NXN: variants seen among roughly 807,000 people sequenced by gnomAD.
NXN encodes the protein nucleoredoxin.
In NXN, 16 loss-of-function variants were observed where a neutral mutation model predicts 48.6. That is an observed-to-expected ratio of 0.33 (90% CI 0.22 to 0.50). NXN has a LOEUF of 0.50. Among genes scored for constraint, NXN ranks in the 20% least tolerant of loss-of-function variants. The pLI, the probability that NXN is intolerant of heterozygous loss-of-function variation, is 0.98. For missense variants in NXN, 492 were observed against 605.5 expected (o/e 0.81, Z 1.97); for synonymous variants, 281 against 269.6 (o/e 1.04, Z -0.41).
At chr17:940,327 C>A (rs1254895534) in intron 1 of NXN, among the ~76,000 whole-genome samples, 1 of 151,884 alleles carries the variant, frequency 6.6e-6, no homozygotes, top group Non-Finnish European at 1.5e-5. Flanking sequence ...CTCCTGGGCT[C>A]AAGCTATCTT....
intron 7 of NXN, among the ~76,000 whole-genome samples, chr17:801,460 T>A (rs1911204980): frequency 6.8e-6 from 1 of 148,054 alleles, no homozygotes; most frequent in African/African-American, 2.5e-5. Flanking sequence ...TTTTTTTTTT[T>A]TTTGAGATGG....
intron 1 of NXN, among the ~76,000 whole-genome samples, chr17:852,797 C>T (rs761066421): frequency 2.6e-5 from 4 of 152,088 alleles, no homozygotes; most frequent in South Asian, 2.1e-4. Context: ...CAGCACAAAT[C>T]GCAAATTGGG....
chr17:906,169 G>A (rs559934109), intron 1 of NXN, among the ~76,000 whole-genome samples: 6 of 152,142 alleles, frequency 3.9e-5, no homozygotes, highest in African/African-American at 1.2e-4. Flanking sequence ...AGTGCATCTC[G>A]ATGTAGACTT....
chr17:936,731 A>G lies in NXN; in HGVS notation c.360+42588T>C, dbSNP rs567241900. The stretch of plus-strand genomic sequence containing the variant: ...ACCAGTTTTCAGAATCCATGGATTT[A>G]TAACGGATTTCTTTTCTAACTTGCA... On this transcript the variant is annotated intron_variant, in intron 1 of 7. Transcript: ENST00000336868. Among the ~76,000 whole-genome samples, 3 of 149,914 alleles carry G rather than the reference A, an allele frequency of 2.0e-5. No individual in the cohort carries two copies. The South Asian group carries it at 6.5e-4, about 33-fold the overall frequency.
At chr17:926,821 C>G (rs79813529) in intron 1 of NXN, among the ~76,000 whole-genome samples, 15,769 of 151,922 alleles carry the variant, frequency 0.1, 930 homozygotes, top group Middle Eastern at 0.17. Flanking sequence ...GGATTCCAGG[C>G]GTGAGCCAAC....
intron 1 of NXN, 24 bp downstream of exon 1, chr17:979,295 G>GTAACGGGCGTGGGGGGCGGGCAGGGA: frequency 6.9e-7 from 1 of 1,458,886 alleles, no homozygotes; most frequent in Non-Finnish European, 9.1e-7. Context: ...GCGGGCAGGG[G>GTAACGGGCGTGGGGGGCGGGCAGGGA]CCGGCGAGGC....
rs1282299042 is a variant in NXN at position 805,260 on chromosome 17, G to C, written c.821-13C>G. The C allele has an allele frequency of 6.3e-7, 1 of 1,599,696 alleles. No homozygotes were observed. Among genetic ancestry groups the C allele is most frequent in the Non-Finnish European group, 8.5e-7 (1 of 1,171,974 alleles). On this transcript the variant is annotated splice_polypyrimidine_tract_variant and intron_variant, in intron 5 of 7. Coordinates refer to ENST00000336868, the MANE Select transcript of NXN (RefSeq NM_022463.5). Reference sequence around the variant, plus strand: ...AGCGTGGGGATGCCTGCAGGGAAGAGGGGGTGCTTGGCCGCTGGCCCGGGA... The same window carrying C: ...AGCGTGGGGATGCCTGCAGGGAAGACGGGGTGCTTGGCCGCTGGCCCGGGA...
chr17:971,023 T>A (rs906438691), intron 1 of NXN, among the ~76,000 whole-genome samples: 5 of 149,490 alleles, frequency 3.3e-5, no homozygotes, highest in Non-Finnish European at 5.9e-5. Flanking sequence ...CTCGGCTCAA[T>A]GCAACCTCCG....
In NXN at chr17:819,516, C is replaced by T; in HGVS notation, c.743G>A (p.Ser248Asn). 6.2e-7 allele frequency: 1 copy of T among 1,610,908 alleles called. No homozygotes were observed. Among genetic ancestry groups the T allele is most frequent in the Non-Finnish European group, 8.5e-7 (1 of 1,178,256 alleles). ...GGGGACGGCGAGCCAGGGCATCTCA[C>T]TGAAGTACTGTTTGAAGGACTCCTC... Reference protein sequence around the residue: ...RSEESFKQYFSEMPWLAVPYT... With the variant: ...RSEESFKQYFNEMPWLAVPYT... The change falls in exon 5 of 8, where the codon AGT (serine) becomes AAT (asparagine). Residue 248 changes from serine to asparagine, a missense_variant. By Grantham distance (46) the Ser-to-Asn change is conservative (BLOSUM62 1). Transcript: ENST00000336868.
chr17:868,652 C>T (rs372404732), intron 1 of NXN, among the ~76,000 whole-genome samples: 96 of 152,198 alleles, frequency 6.3e-4, no homozygotes, highest in South Asian at 2.1e-4. Flanking sequence ...CCACCACGCC[C>T]GGATCATTTT....
At chr17:912,911 A>G (rs986579310) in intron 1 of NXN, among the ~76,000 whole-genome samples, 23 of 152,104 alleles carry the variant, frequency 1.5e-4, no homozygotes, top group African/African-American at 5.3e-4. Context: ...CCAAGATTGC[A>G]CCACCGCACT....
At chr17:827,109 C>T (rs537288761) in intron 1 of NXN, among the ~76,000 whole-genome samples, 2 of 152,294 alleles carry the variant, frequency 1.3e-5, no homozygotes, top group Middle Eastern at 3.4e-3. Flanking sequence ...GTGATCCCAG[C>T]GCTTTGGGAG....
intron 1 of NXN, among the ~76,000 whole-genome samples, chr17:843,049 AAAGAAAGAAGGAAGAAAGC>A (rs1567829144): frequency 1.2e-3 from 152 of 130,254 alleles, no homozygotes; most frequent in East Asian, 7.0e-3. Context: ...AGAAAGAAAG[AAAGAAAGAAGGAAGAAAGC>A]AAGCAAGCAA....
At chr17:880,961 T>C (rs1378184047) in intron 1 of NXN, among the ~76,000 whole-genome samples, 2 of 152,160 alleles carry the variant, frequency 1.3e-5, no homozygotes, top group African/African-American at 4.8e-5. Context: ...TTCAAATCTC[T>C]GCAAACGTCT....
chr17:967,408 G>A (rs143629167), intron 1 of NXN, among the ~76,000 whole-genome samples: 277 of 152,304 alleles, frequency 1.8e-3, no homozygotes, highest in African/African-American at 6.3e-3. Context: ...GCCCCAGGAC[G>A]GCATCTGTGC....
chr17:899,640 T>C (rs1319823003), intron 1 of NXN, among the ~76,000 whole-genome samples: 1 of 152,122 alleles, frequency 6.6e-6, no homozygotes, highest in Non-Finnish European at 1.5e-5. Flanking sequence ...TCCTCCTTTC[T>C]CTCCTCTCTG....
intron 1 of NXN, among the ~76,000 whole-genome samples, chr17:912,753 G>A (rs1355816663): frequency 1.3e-5 from 2 of 152,132 alleles, no homozygotes; most frequent in African/African-American, 4.8e-5. Context: ...AGGAGTTCGA[G>A]ACCAGCCTGG....
chr17:844,180 G>A (rs1287347566), intron 1 of NXN, among the ~76,000 whole-genome samples: 1 of 151,796 alleles, frequency 6.6e-6, no homozygotes, highest in Non-Finnish European at 1.5e-5. Context: ...TAGCTGGAAG[G>A]TGGAGACCAG....
chr17:959,160 A>G, intron 1 of NXN: 1 of 706,258 alleles, frequency 1.4e-6, no homozygotes, highest in Non-Finnish European at 2.1e-6. Context: ...CCCCTACGGA[A>G]GGCTGGAGAG....
Sources: gnomAD v4.1 joint callset for allele counts (sites outside exome capture counted in the v4.1 genomes callset) on GRCh38, gnomAD v4.1.1 for gene constraint, MANE v1.5 for transcripts, NCBI Gene and HGNC (gene_info 2026-07-23, HGNC 2026-07-21) for gene names.